XYLT1: variants seen among roughly 807,000 people sequenced by gnomAD.
The protein encoded by XYLT1 is xylosyltransferase 1, also known as beta-D-xylosyltransferase 1.
A neutral mutation model predicts 91.3 loss-of-function variants in XYLT1; 36 were observed. The observed-to-expected ratio is 0.39, with a 90% confidence interval of 0.30 to 0.52. The LOEUF (loss-of-function observed/expected upper bound fraction) is 0.52, where lower values mean the gene tolerates loss of function less well. XYLT1 is among the 20% of genes least tolerant of loss of function. The probability of loss-of-function intolerance (pLI) is 0.68; values close to 1 mark genes in which losing one functional copy is unlikely to be tolerated. For synonymous variants in XYLT1, 588 were observed against 532.0 expected (o/e 1.11, Z -1.45); for missense variants, 1,242 against 1,284.5 (o/e 0.97, Z 0.51).
At chr16:17,425,052 G>A (rs1284050318) in intron 1 of XYLT1, among the ~76,000 whole-genome samples, 1 of 152,092 alleles carries the variant, frequency 6.6e-6, no homozygotes, top group African/African-American at 2.4e-5. Flanking sequence ...ATTAGGGTTT[G>A]GCCAAGCCTT....
At chr16:17,464,166 C>T in intron 1 of XYLT1, among the ~76,000 whole-genome samples, 1 of 151,490 alleles carries the variant, frequency 6.6e-6, no homozygotes, top group South Asian at 2.1e-4. Flanking sequence ...GGGTGATTAT[C>T]ATTAACAATA....
chr16:17,115,154 A>G (rs1238756929), intron 11 of XYLT1, among the ~76,000 whole-genome samples: 2 of 151,844 alleles, frequency 1.3e-5, no homozygotes, highest in East Asian at 3.9e-4. Context: ...GGCACATACA[A>G]TTTTATGTTT....
chr16:17,128,786 A>G (rs1480810936), intron 9 of XYLT1, among the ~76,000 whole-genome samples: 1 of 152,228 alleles, frequency 6.6e-6, no homozygotes, highest in Non-Finnish European at 1.5e-5. Flanking sequence ...GCAAAAAAGG[A>G]GTACCTCGGA....
intron 3 of XYLT1, among the ~76,000 whole-genome samples, chr16:17,248,122 G>A (rs2033472868): frequency 6.6e-6 from 1 of 152,116 alleles, no homozygotes; most frequent in African/African-American, 2.4e-5. Context: ...TGAATCATGG[G>A]GGTGAGTTTT....
intron 2 of XYLT1, among the ~76,000 whole-genome samples, chr16:17,353,807 A>G (rs1345134028): frequency 6.6e-6 from 1 of 152,230 alleles, no homozygotes; most frequent in African/African-American, 2.4e-5. Flanking sequence ...TCTACTAGTC[A>G]AGGCAACTTT....
intron 6 of XYLT1, among the ~76,000 whole-genome samples, chr16:17,145,413 G>A (rs2031106405): frequency 6.6e-6 from 1 of 152,204 alleles, no homozygotes; most frequent in South Asian, 2.1e-4. Flanking sequence ...AATGCAAGCT[G>A]GGTCTGAGAC....
chr16:17,192,304 G>T (rs540269888), intron 5 of XYLT1, among the ~76,000 whole-genome samples: 2 of 151,618 alleles, frequency 1.3e-5, no homozygotes, highest in African/African-American at 4.8e-5. Context: ...TTACCATATC[G>T]GCCAGGCTGG....
At chr16:17,144,875 C>T (rs1412039710) in intron 6 of XYLT1, among the ~76,000 whole-genome samples, 4 of 152,208 alleles carry the variant, frequency 2.6e-5, no homozygotes, top group Admixed American at 6.5e-5. Flanking sequence ...AGGGGCTCTG[C>T]TGTAACAGCA....
At position 17,103,209 on chromosome 16, in the gene XYLT1, A is replaced by T. The variant is rs1966729947; in HGVS notation, c.*5486T>A. The stretch of plus-strand genomic sequence containing the variant: ...AGAACGTCTCCTGATTTACCCTTGA[A>T]TGAAGTACATATAAAGTCACCCAGT... On this transcript the variant is annotated 3_prime_UTR_variant, in exon 12 of 12. Transcript: ENST00000261381. The T allele has an allele frequency of 6.6e-6, 1 of 152,628 alleles. No individual in the cohort carries two copies. Among genetic ancestry groups the T allele is most frequent in the South Asian group, 2.1e-4 (1 of 4,828 alleles). The allele number at this position is 152,628 out of a possible 1,614,324, so 9.5% of individuals were successfully genotyped here. A position where few individuals can be genotyped will look rare whatever the true frequency, so the allele number is the denominator to read the frequency against.
At chr16:17,176,770 T>C (rs2031953018) in intron 5 of XYLT1, among the ~76,000 whole-genome samples, 1 of 151,428 alleles carries the variant, frequency 6.6e-6, no homozygotes, top group African/African-American at 2.4e-5. Flanking sequence ...AATGTACATA[T>C]CTACTAGCAA....
intron 2 of XYLT1, among the ~76,000 whole-genome samples, chr16:17,278,729 C>T (rs1000240540): frequency 6.6e-6 from 1 of 152,088 alleles, no homozygotes; most frequent in Non-Finnish European, 1.5e-5. Context: ...AGATATTATC[C>T]GATGAGATAG....
chr16:17,331,696 T>C (rs896325662), intron 2 of XYLT1, among the ~76,000 whole-genome samples: 1 of 152,126 alleles, frequency 6.6e-6, no homozygotes, highest in Non-Finnish European at 1.5e-5. Flanking sequence ...ACACTGAGGA[T>C]TGACCAGGTG....
At chr16:17,272,339 C>T (rs776480918) in intron 2 of XYLT1, among the ~76,000 whole-genome samples, 5 of 151,464 alleles carry the variant, frequency 3.3e-5, no homozygotes, top group Non-Finnish European at 7.4e-5. Flanking sequence ...ATTTTTTGTA[C>T]TTTTAGTAGA....
At position 17,212,561 on chromosome 16, in the gene XYLT1, C is replaced by A. The variant is rs192234201; in HGVS notation, c.914-11907G>T. Among the ~76,000 whole-genome samples, 100 of 152,264 alleles carry A rather than the reference C, an allele frequency of 6.6e-4. 1 individual carries two copies. The highest frequency in any genetic ancestry group is 1.8e-3 in the Admixed American group (27 of 15,294). ...CAAATGCTCATGGCCACTCACTCCA[C>A]CAGAGACTGAAGGCTACCTCATTCA... On this transcript the variant is annotated intron_variant, in intron 3 of 11. Transcript: ENST00000261381.
At chr16:17,234,388 C>A (rs2033213754) in intron 3 of XYLT1, among the ~76,000 whole-genome samples, 1 of 152,184 alleles carries the variant, frequency 6.6e-6, no homozygotes, top group Non-Finnish European at 1.5e-5. Flanking sequence ...CTTTGCCTTT[C>A]CGATGAGGCT....
At chr16:17,282,127 C>T (rs975163792) in intron 2 of XYLT1, among the ~76,000 whole-genome samples, 1 of 152,208 alleles carries the variant, frequency 6.6e-6, no homozygotes, top group South Asian at 2.1e-4. Context: ...AGGAACTGTT[C>T]TAAGCACCCT....
At chr16:17,366,029 C>G (rs556892157) in intron 1 of XYLT1, among the ~76,000 whole-genome samples, 5 of 149,766 alleles carry the variant, frequency 3.3e-5, no homozygotes, top group African/African-American at 1.2e-4. Context: ...GAATGCCCAA[C>G]TGGTGGCCTG....
intron 2 of XYLT1, among the ~76,000 whole-genome samples, chr16:17,345,703 T>C (rs2043347754): frequency 6.6e-6 from 1 of 152,260 alleles, no homozygotes; most frequent in Non-Finnish European, 1.5e-5. Context: ...AAAGTAATAC[T>C]AAGTGCTTAG....
rs74656210 is a variant in XYLT1 at position 17,332,143 on chromosome 16, C to A, written c.402+25869G>T. The stretch of plus-strand genomic sequence containing the variant: ...GTGTGGCCCTGCATGGTGCACAGCA[C>A]CTGCTTCCCTGGGGCTGACTGTACG... On this transcript the variant is annotated intron_variant, in intron 2 of 11. Coordinates refer to ENST00000261381, the MANE Select transcript of XYLT1 (RefSeq NM_022166.4). Among the ~76,000 whole-genome samples the A allele has an allele frequency of 2.0e-5, 3 of 152,240 alleles. No individual in the cohort carries two copies. The East Asian group carries it at 5.8e-4, about 29-fold the overall frequency.
Sources: gnomAD v4.1 joint callset for allele counts (sites outside exome capture counted in the v4.1 genomes callset) on GRCh38, gnomAD v4.1.1 for gene constraint, MANE v1.5 for transcripts, NCBI Gene and HGNC (gene_info 2026-07-23, HGNC 2026-07-21) for gene names.